Variants in DCC observed in about 807,000 individuals in gnomAD.
DCC encodes the protein DCC netrin 1 receptor.
A neutral mutation model predicts 172.5 loss-of-function variants in DCC; 58 were observed. That is an observed-to-expected ratio of 0.34 (90% CI 0.27 to 0.42). The LOEUF is 0.42. Among genes scored for constraint, DCC ranks in the 10% least tolerant of loss-of-function variants. The pLI, the probability that DCC is intolerant of heterozygous loss-of-function variation, is 1.00. For synonymous variants in DCC, 709 were observed against 644.5 expected, an observed-to-expected ratio of 1.10 and a Z score of -1.52; for missense variants, 1,740 against 1,791.0, an observed-to-expected ratio of 0.97 and a Z score of 0.51.
At chr18:53,287,064 A>G (rs2144740291) in intron 12 of DCC, among the ~76,000 whole-genome samples, 1 of 152,228 alleles carries the variant, frequency 6.6e-6, no homozygotes, top group East Asian at 1.9e-4. Flanking sequence ...AAAGTTACAC[A>G]ACCATCACCA....
intron 1 of DCC, among the ~76,000 whole-genome samples, chr18:52,675,826 C>A (rs1265463368): frequency 1.3e-5 from 2 of 152,160 alleles, no homozygotes; most frequent in South Asian, 2.1e-4. Context: ...ATTCTGTGAA[C>A]CATATTCTTT....
chr18:52,637,463 A>AT (rs2034803675), intron 1 of DCC, among the ~76,000 whole-genome samples: 1 of 152,136 alleles, frequency 6.6e-6, no homozygotes, highest in African/African-American at 2.4e-5. Context: ...GATAGCCTAA[A>AT]GAAAAAAAAA....
rs16955838 is a variant in DCC, at chr18:52,913,993, C to A, written c.697+7665C>A. On this transcript the variant is annotated intron_variant, in intron 3 of 28. Transcript: ENST00000442544. ...TAGGCACACCTTTATTGATTCAACA[C>A]TGACAAAATGGGAAATAGTCCAAAT... Among the ~76,000 whole-genome samples, 312 of 152,166 alleles carry A rather than the reference C, an allele frequency of 2.1e-3. 1 individual carries two copies. Among genetic ancestry groups the A allele is most frequent in the African/African-American group, 7.3e-3 (305 of 41,558 alleles).
At chr18:52,991,321 A>G (rs866404815) in intron 5 of DCC, among the ~76,000 whole-genome samples, 21 of 152,168 alleles carry the variant, frequency 1.4e-4, no homozygotes, top group Admixed American at 9.8e-4. Context: ...TTTTAGAAGT[A>G]TAGATCTTAT....
chr18:53,027,088 A>G (rs1407175168), intron 5 of DCC, among the ~76,000 whole-genome samples: 1 of 152,148 alleles, frequency 6.6e-6, no homozygotes, highest in African/African-American at 2.4e-5. Context: ...AAGCTGACAG[A>G]GTGCTGTATT....
chr18:53,257,522 T>C (rs2056535862), intron 12 of DCC, among the ~76,000 whole-genome samples: 1 of 152,218 alleles, frequency 6.6e-6, no homozygotes, highest in Non-Finnish European at 1.5e-5. Flanking sequence ...GTTTATTGAT[T>C]TGCGTGTGTT....
chr18:53,125,101 G>A (rs1317904858), intron 7 of DCC, among the ~76,000 whole-genome samples: 1 of 151,826 alleles, frequency 6.6e-6, no homozygotes, highest in Admixed American at 6.6e-5. Context: ...GAAACTAATG[G>A]TAAGTCACTC....
At chr18:52,591,164 G>A (rs1414902477) in intron 1 of DCC, among the ~76,000 whole-genome samples, 1 of 151,996 alleles carries the variant, frequency 6.6e-6, no homozygotes, top group Admixed American at 6.6e-5. Flanking sequence ...TGACCTGAGA[G>A]GGCTAATCCA....
intron 5 of DCC, among the ~76,000 whole-genome samples, chr18:53,021,468 A>C (rs1198234017): frequency 6.6e-6 from 1 of 152,204 alleles, no homozygotes; most frequent in Non-Finnish European, 1.5e-5. Context: ...TGACAGGCAC[A>C]GTGGAAACTG....
intron 5 of DCC, among the ~76,000 whole-genome samples, chr18:53,055,520 G>T (rs1219426820): frequency 6.6e-6 from 1 of 151,954 alleles, no homozygotes; most frequent in Non-Finnish European, 1.5e-5. Flanking sequence ...ACAGTAGAAG[G>T]GCCATTCATT....
chr18:53,304,884 T>G (rs1416018362), intron 12 of DCC, among the ~76,000 whole-genome samples: 1 of 152,168 alleles, frequency 6.6e-6, no homozygotes, highest in African/African-American at 2.4e-5. Flanking sequence ...CACCTAAATC[T>G]CATCTTGAAT....
intron 5 of DCC, among the ~76,000 whole-genome samples, chr18:52,949,765 C>T (rs977613746): frequency 6.6e-6 from 1 of 152,208 alleles, no homozygotes; most frequent in Non-Finnish European, 1.5e-5. Context: ...CAGATTATAA[C>T]ATCTTGGTGA....
intron 6 of DCC, among the ~76,000 whole-genome samples, chr18:53,065,459 A>G (rs1447582093): frequency 6.6e-6 from 1 of 152,174 alleles, no homozygotes; most frequent in African/African-American, 2.4e-5. Context: ...TTTCAGCCAT[A>G]CAATAAGAAC....
chr18:52,959,760 GATAT>G (rs1391034781), intron 5 of DCC, among the ~76,000 whole-genome samples: 3 of 152,110 alleles, frequency 2.0e-5, no homozygotes, highest in Non-Finnish European at 1.5e-5. Context: ...AGCAGACCAA[GATAT>G]ATCTGCTGTT....
intron 1 of DCC, among the ~76,000 whole-genome samples, chr18:52,424,481 T>C: frequency 6.6e-6 from 1 of 152,140 alleles, no homozygotes; most frequent in Non-Finnish European, 1.5e-5. Flanking sequence ...AAGCCATGGG[T>C]ATTTTAGATA....
chr18:52,832,012 CCTT>C (rs1013652750), intron 2 of DCC, among the ~76,000 whole-genome samples: 1 of 152,140 alleles, frequency 6.6e-6, no homozygotes, highest in African/African-American at 2.4e-5. Context: ...CAGCTTCGTA[CCTT>C]CTTCTACATC....
intron 13 of DCC, among the ~76,000 whole-genome samples, chr18:53,307,893 G>GTGTATA (rs1327232235): frequency 2.0e-5 from 2 of 97,580 alleles, no homozygotes; most frequent in African/African-American, 5.2e-5. Flanking sequence ...CAATGTGTGT[G>GTGTATA]TATGTATATA....
intron 12 of DCC, among the ~76,000 whole-genome samples, chr18:53,255,660 T>C (rs950584362): frequency 4.6e-5 from 7 of 152,106 alleles, no homozygotes; most frequent in African/African-American, 1.2e-4. Flanking sequence ...TTGGGAATAG[T>C]GCCGCAGTAA....
At chr18:52,453,286 T>C (rs1172809815) in intron 1 of DCC, among the ~76,000 whole-genome samples, 1 of 152,220 alleles carries the variant, frequency 6.6e-6, no homozygotes, top group Non-Finnish European at 1.5e-5. Context: ...ATTCTTTAAA[T>C]GTTAGTACCA....
Sources: allele counts gnomAD v4.1 joint callset (sites outside exome capture counted in the v4.1 genomes callset), GRCh38; gene constraint gnomAD v4.1.1; transcripts MANE v1.5; gene names NCBI Gene and HGNC (gene_info 2026-07-23, HGNC 2026-07-21).